Variants in ACOT11 observed in about 807,000 individuals in gnomAD.
The protein encoded by ACOT11 is acyl-coenzyme A thioesterase 11.
A neutral mutation model predicts 77.5 loss-of-function variants in ACOT11; 69 were observed. The observed-to-expected ratio is 0.89, with a 90% CI of 0.73 to 1.09. ACOT11 has a LOEUF of 1.09. ACOT11 is among the 50% of genes least tolerant of loss of function. The pLI is 0.00. For missense variants in ACOT11, 766 were observed against 813.7 expected, an observed-to-expected ratio of 0.94 and a Z score of 0.71; for synonymous variants, 279 against 313.0, an observed-to-expected ratio of 0.89 and a Z score of 1.15.
intron 1 of ACOT11, among the ~76,000 whole-genome samples, chr1:54,581,341 A>G (rs998054851): frequency 6.6e-6 from 1 of 152,136 alleles, no homozygotes; most frequent in Non-Finnish European, 1.5e-5. Flanking sequence ...CTGTGGGCCC[A>G]GTAGCCTGTG....
chr1:54,548,422 C>T (rs3753009), intron 1 of ACOT11, 80 bp downstream of exon 1: 79,243 of 1,507,816 alleles, frequency 0.053, 3,858 homozygotes, highest in East Asian at 0.25. Context: ...CATTTTAACT[C>T]AGACGCTCTG....
chr1:54,603,317 C>G (rs867062263), intron 10 of ACOT11, among the ~76,000 whole-genome samples: 4 of 152,194 alleles, frequency 2.6e-5, no homozygotes, highest in Non-Finnish European at 4.4e-5. Flanking sequence ...CCATTGCACT[C>G]CAGCCTGGGC....
chr1:54,565,658 C>G (rs1653708503), intron 1 of ACOT11, among the ~76,000 whole-genome samples: 1 of 152,126 alleles, frequency 6.6e-6, no homozygotes, highest in South Asian at 2.1e-4. Flanking sequence ...ACAGTAGGTA[C>G]ATGGTAAGTA....
chr1:54,618,399 G>C (rs1644196908), intron 15 of ACOT11, among the ~76,000 whole-genome samples: 2 of 152,166 alleles, frequency 1.3e-5, no homozygotes, highest in African/African-American at 4.8e-5. Context: ...AGCTACTCGG[G>C]AGGCTAAGGC....
intron 1 of ACOT11, among the ~76,000 whole-genome samples, chr1:54,575,194 G>C (rs1029114689): frequency 1.3e-5 from 2 of 152,208 alleles, no homozygotes; most frequent in African/African-American, 4.8e-5. Context: ...GGCAGGACTT[G>C]AGATGTCTCT....
At chr1:54,616,574 A>G (rs1480177322) in intron 15 of ACOT11, among the ~76,000 whole-genome samples, 1 of 151,838 alleles carries the variant, frequency 6.6e-6, no homozygotes, top group Non-Finnish European at 1.5e-5. Context: ...GTTTCACCAT[A>G]TTGGCCAGGC....
At chr1:54,601,153 GCA>G (rs1272913104) in intron 8 of ACOT11, 114 bp from the exon 9 acceptor site, 4 of 1,221,764 alleles carry the variant, frequency 3.3e-6, no homozygotes, top group African/African-American at 1.5e-5. Flanking sequence ...GTGTGTGTGT[GCA>G]TGCATGTGTG....
chr1:54,607,961 C>T lies in ACOT11; in HGVS notation c.1522C>T (p.Leu508=). The T allele has an allele frequency of 6.2e-7, 1 of 1,613,976 alleles. No homozygotes were observed. The highest frequency in any genetic ancestry group is 1.3e-5 in the African/African-American group (1 of 74,998). ...CDNGDPYVIA[L]RSVTLPTHRE... ...ACTCAGGGACCCCTATGTCATCGCG[C>T]TGAGGTCGGTCACGCTGCCCACACA... The change falls in exon 15 of 16, where the codon CTG becomes TTG. Residue 508 remains leucine, a synonymous_variant. Coordinates refer to ENST00000343744, the MANE Select transcript of ACOT11 (RefSeq NM_147161.4). The surrounding 1 kb of genome is among the most constrained non-coding windows in gnomAD (Gnocchi z 4.5).
intron 1 of ACOT11, among the ~76,000 whole-genome samples, chr1:54,583,064 G>A (rs1569707189): frequency 6.6e-6 from 1 of 152,118 alleles, no homozygotes; most frequent in Admixed American, 6.5e-5. Context: ...AGCGGGAAGT[G>A]CCTTGGCAGT....
chr1:54,556,267 A>G (rs1469941041), intron 1 of ACOT11, among the ~76,000 whole-genome samples: 1 of 152,166 alleles, frequency 6.6e-6, no homozygotes, highest in African/African-American at 2.4e-5. Flanking sequence ...TACCACTACC[A>G]TACTGTTTTG....
intron 1 of ACOT11, among the ~76,000 whole-genome samples, chr1:54,559,434 G>T (rs182516687): frequency 6.6e-6 from 1 of 152,312 alleles, no homozygotes; most frequent in Non-Finnish European, 1.5e-5. Flanking sequence ...GACGAAAAGG[G>T]TGCTGCCTTA....
intron 1 of ACOT11, among the ~76,000 whole-genome samples, chr1:54,577,000 A>G (rs1054025920): frequency 6.6e-6 from 1 of 152,218 alleles, no homozygotes; most frequent in Non-Finnish European, 1.5e-5. Context: ...AGATCAGGCT[A>G]TACACTCTGC....
At chr1:54,586,904 G>A (rs1654521252) in intron 3 of ACOT11, among the ~76,000 whole-genome samples, 1 of 152,144 alleles carries the variant, frequency 6.6e-6, no homozygotes, top group Admixed American at 6.5e-5. Context: ...CAGAGCTCTT[G>A]TCTCTGGGCC....
chr1:54,584,586 T>A lies in ACOT11; in HGVS notation c.34-69T>A. 2 of 1,468,868 alleles carry A rather than the reference T, an allele frequency of 1.4e-6. No homozygotes were observed. Among genetic ancestry groups the A allele is most frequent in the Non-Finnish European group, 9.3e-7 (1 of 1,073,098 alleles). 91.0% of individuals were successfully genotyped at this position (1,468,868 alleles called of 1,614,324 possible). A position where few individuals can be genotyped will look rare whatever the true frequency, so the allele number is the denominator to read the frequency against. On this transcript the variant is annotated intron_variant, in intron 1 of 15. Coordinates refer to ENST00000343744, the MANE Select transcript of ACOT11 (RefSeq NM_147161.4). The surrounding 1 kb of genome is among the most constrained non-coding windows in gnomAD (Gnocchi z 6.3). ...CCCCCAGACCCTAAGTTCTCAGGGCTGGACAGACCTGGGAGACCCTGCAGC... is the reference window on the plus strand; with the variant it reads ...CCCCCAGACCCTAAGTTCTCAGGGCAGGACAGACCTGGGAGACCCTGCAGC...
Position 54,609,368 on chromosome 1 carries a change from G to A in ACOT11, c.*256G>A. 1.2e-6 allele frequency: 2 copies of A among 1,614,152 alleles called. No individual in the cohort carries two copies. Among genetic ancestry groups the A allele is most frequent in the South Asian group, 2.2e-5 (2 of 91,088 alleles). ...CACAGCCCTAGCTGCCAGCAATGCT[G>A]TCCTCACAGAGGCATAGTCGCCCCC... On this transcript the variant is annotated 3_prime_UTR_variant, in exon 16 of 16. Transcript: ENST00000343744.
At chr1:54,611,671 G>C, downstream of ACOT11, 1 of 1,614,114 alleles carries the variant, frequency 6.2e-7, no homozygotes. Context: ...GTGGACAGCA[G>C]TGTTATCCCG....
chr1:54,618,886 A>G (rs887807582), intron 15 of ACOT11, among the ~76,000 whole-genome samples: 2 of 152,162 alleles, frequency 1.3e-5, no homozygotes, highest in African/African-American at 4.8e-5. Flanking sequence ...TAAATAATAA[A>G]ATATCCCTGG....
intron 13 of ACOT11, 97 bp downstream of exon 13, chr1:54,605,306 C>G (rs2101004817): frequency 6.8e-7 from 1 of 1,476,560 alleles, no homozygotes; most frequent in African/African-American, 1.4e-5. Context: ...GATGCTCTGC[C>G]CTGCTGGGGC....
chr1:54,602,656 A>G lies in ACOT11; in HGVS notation c.1030-13A>G. 1 of 1,525,288 alleles carries G rather than the reference A, an allele frequency of 6.6e-7. No homozygotes were observed. The highest frequency in any genetic ancestry group is 8.8e-7 in the Non-Finnish European group (1 of 1,137,742). 94.5% of individuals were successfully genotyped at this position (1,525,288 alleles called of 1,614,324 possible). On this transcript the variant is annotated splice_polypyrimidine_tract_variant and intron_variant, in intron 9 of 15. Coordinates refer to ENST00000343744, the MANE Select transcript of ACOT11 (RefSeq NM_147161.4). ...TGGGGGTAGCTGGTTGCCTATCCCG[A>G]CTTCCTCCCCAGGATGGTGAGCGGC...
Sources: allele counts gnomAD v4.1 joint callset (sites outside exome capture counted in the v4.1 genomes callset), GRCh38; gene constraint gnomAD v4.1.1; non-coding constraint Gnocchi (gnomAD v3.1); transcripts MANE v1.5; gene names NCBI Gene and HGNC (gene_info 2026-07-23, HGNC 2026-07-21).